Variants in SNTG1 observed in about 807,000 individuals in gnomAD.
SNTG1 encodes the protein syntrophin gamma 1, also known as gamma-1-syntrophin.
Under a neutral mutation model 74.7 loss-of-function variants are expected in SNTG1, and 39 were observed. The ratio of observed to expected loss-of-function variants is 0.52; its 90% CI spans 0.40 to 0.68. The LOEUF is 0.68. Among genes scored for constraint, SNTG1 ranks in the 30% least tolerant of loss-of-function variants. The pLI, the probability that SNTG1 is intolerant of heterozygous loss-of-function variation, is 0.00. For synonymous variants in SNTG1, 254 were observed against 217.1 expected (o/e 1.17, Z -1.49); for missense variants, 685 against 609.5 (o/e 1.12, Z -1.30).
intron 12 of SNTG1, among the ~76,000 whole-genome samples, chr8:50,558,344 C>G (rs914700491): frequency 2.0e-5 from 3 of 152,092 alleles, no homozygotes; most frequent in Non-Finnish European, 4.4e-5. Context: ...GAGGCCTCTT[C>G]CCAGGTCTCT....
At chr8:50,760,774 A>C (rs1361045543) in intron 18 of SNTG1, among the ~76,000 whole-genome samples, 2 of 152,054 alleles carry the variant, frequency 1.3e-5, no homozygotes, top group African/African-American at 4.8e-5. Context: ...AAAATCGAGA[A>C]GAGATGGATG....
intron 1 of SNTG1, among the ~76,000 whole-genome samples, chr8:50,130,894 G>A (rs759525600): frequency 1.3e-5 from 2 of 152,076 alleles, no homozygotes; most frequent in African/African-American, 2.4e-5. Context: ...ATGGTTTCAA[G>A]TAACATTTGA....
chr8:50,566,262 C>G (rs2094516288), intron 12 of SNTG1, among the ~76,000 whole-genome samples: 1 of 151,952 alleles, frequency 6.6e-6, no homozygotes, highest in Non-Finnish European at 1.5e-5. Context: ...GACCCAGAAT[C>G]TTTACAGATA....
At chr8:50,074,225 A>G (rs2131024173) in intron 1 of SNTG1, among the ~76,000 whole-genome samples, 1 of 152,276 alleles carries the variant, frequency 6.6e-6, no homozygotes. Flanking sequence ...TTATGTTATG[A>G]TGATGACTTC....
intron 4 of SNTG1, among the ~76,000 whole-genome samples, chr8:50,415,575 T>C (rs939811112): frequency 6.6e-6 from 1 of 152,108 alleles, no homozygotes; most frequent in African/African-American, 2.4e-5. Context: ...GTTGTTTTAG[T>C]AGCACAAGTA....
At chr8:50,529,456 G>A (rs112675248) in intron 9 of SNTG1, among the ~76,000 whole-genome samples, 131 of 151,960 alleles carry the variant, frequency 8.6e-4, no homozygotes, top group South Asian at 5.6e-3. Context: ...TTAATTGAGC[G>A]TCAATTATAT....
At chr8:50,758,989 T>TTTGTTTTGTTTC (rs2095589366) in intron 18 of SNTG1, among the ~76,000 whole-genome samples, 1 of 152,106 alleles carries the variant, frequency 6.6e-6, no homozygotes, top group East Asian at 1.9e-4. Context: ...TTTCCTGACT[T>TTTGTTTTGTTTC]TAATGATCAC....
chr8:50,308,747 C>G (rs1198088977), intron 2 of SNTG1, among the ~76,000 whole-genome samples: 1 of 152,148 alleles, frequency 6.6e-6, no homozygotes, highest in East Asian at 1.9e-4. Flanking sequence ...AAGTTGCTAT[C>G]ATTTCCCAAT....
rs17687439 is a variant in SNTG1 at position 50,118,661 on chromosome 8, A to T, written c.-102-53900A>T. On this transcript the variant is annotated intron_variant, in intron 1 of 18. Transcript: ENST00000642720. Reference sequence around the variant, plus strand: ...GAATCCTGAGAATTTTGAAAGAAAAATCAAGAGCCTATGAGTTGAAAACAA... The same window carrying T: ...GAATCCTGAGAATTTTGAAAGAAAATTCAAGAGCCTATGAGTTGAAAACAA... Among the ~76,000 whole-genome samples the T allele has an allele frequency of 2.1e-5, 3 of 142,272 alleles. 1 individual carries two copies. In the East Asian group the frequency reaches 6.0e-4, roughly 29 times the overall value. The allele number at this position is 142,272 out of a possible 152,430, so 93.3% of individuals were successfully genotyped here. A position where few individuals can be genotyped will look rare whatever the true frequency, so the allele number is the denominator to read the frequency against.
At chr8:50,286,236 C>T (rs1163388728) in intron 2 of SNTG1, among the ~76,000 whole-genome samples, 1 of 152,178 alleles carries the variant, frequency 6.6e-6, no homozygotes, top group East Asian at 1.9e-4. Flanking sequence ...ACCCTCTTTG[C>T]TAGAATGGCA....
At chr8:50,004,493 G>C (rs1245393733) in intron 1 of SNTG1, among the ~76,000 whole-genome samples, 1 of 152,096 alleles carries the variant, frequency 6.6e-6, no homozygotes, top group African/African-American at 2.4e-5. Context: ...CCAGCGTTGT[G>C]CTTGCTCACT....
At chr8:50,589,687 T>C (rs965085624) in intron 12 of SNTG1, among the ~76,000 whole-genome samples, 1 of 152,140 alleles carries the variant, frequency 6.6e-6, no homozygotes. Flanking sequence ...GAATTCTTTA[T>C]AACAATTCAT....
At chr8:50,124,362 T>C in intron 1 of SNTG1, among the ~76,000 whole-genome samples, 1 of 142,284 alleles carries the variant, frequency 7.0e-6, no homozygotes. Context: ...TCTGCTACTG[T>C]TTTATGGCAG....
intron 2 of SNTG1, among the ~76,000 whole-genome samples, chr8:50,371,956 T>C (rs2092279166): frequency 6.6e-6 from 1 of 152,164 alleles, no homozygotes; most frequent in African/African-American, 2.4e-5. Context: ...TGTAGTTGGA[T>C]CTTGTTTTTT....
intron 1 of SNTG1, among the ~76,000 whole-genome samples, chr8:50,165,968 A>G (rs1327970680): frequency 6.9e-6 from 1 of 144,490 alleles, no homozygotes; most frequent in Admixed American, 7.1e-5. Context: ...ATAATGCCGC[A>G]TATCTACAAC....
chr8:50,625,608 T>C (rs2131072839), intron 13 of SNTG1, among the ~76,000 whole-genome samples: 1 of 152,328 alleles, frequency 6.6e-6, no homozygotes, highest in South Asian at 2.1e-4. Context: ...TAGATTATCA[T>C]AGATAATCCC....
At chr8:50,203,168 C>T (rs1175484996) in intron 2 of SNTG1, among the ~76,000 whole-genome samples, 2 of 152,110 alleles carry the variant, frequency 1.3e-5, no homozygotes, top group African/African-American at 4.8e-5. Flanking sequence ...TTCTTTGCCA[C>T]GTCTAGGATT....
At chr8:50,541,379 G>T (rs567594336) in intron 11 of SNTG1, among the ~76,000 whole-genome samples, 8 of 151,880 alleles carry the variant, frequency 5.3e-5, no homozygotes, top group Admixed American at 1.3e-4. Context: ...GCATTCTCCT[G>T]TAGTCCTTCC....
rs188707740 is a variant in SNTG1 at position 50,066,947 on chromosome 8, A to G, written c.-102-105614A>G. Among the ~76,000 whole-genome samples the G allele has an allele frequency of 1.1e-4, 17 of 152,354 alleles. 2 individuals are homozygous for G. The East Asian group carries it at 3.1e-3, about 28-fold the overall frequency. ...TGTGGAAAACTCCACTGGAAAAAAG[A>G]AGGACGATGAATTTGATTATAGCAA... On this transcript the variant is annotated intron_variant, in intron 1 of 18. Transcript: ENST00000642720.
Sources: gnomAD v4.1 joint callset for allele counts (sites outside exome capture counted in the v4.1 genomes callset) on GRCh38, gnomAD v4.1.1 for gene constraint, MANE v1.5 for transcripts, NCBI Gene and HGNC (gene_info 2026-07-23, HGNC 2026-07-21) for gene names.